The following AGMO variants were observed in gnomAD, a reference collection of about 807,000 sequenced individuals.
AGMO encodes alkylglycerol monooxygenase.
In AGMO, 75 loss-of-function variants were observed where a neutral mutation model predicts 60.2. That is an observed-to-expected ratio of 1.25 (90% CI 1.03 to 1.51). The LOEUF is 1.51. AGMO is among the 40% of genes most tolerant of loss of function. AGMO has a pLI of 0.00. For missense variants in AGMO, 763 were observed against 525.5 expected (o/e 1.45, Z -4.42); for synonymous variants, 261 against 177.1 (o/e 1.47, Z -3.76).
the AGMO span, among the ~76,000 whole-genome samples, chr7:15,170,103 C>T: frequency 6.6e-6 from 1 of 152,148 alleles, no homozygotes. Flanking sequence ...AACAAGAAAG[C>T]AGGTTGTCAT....
intron 3 of AGMO, among the ~76,000 whole-genome samples, chr7:15,537,959 G>GGAT (rs1784523242): frequency 2.0e-5 from 3 of 152,014 alleles, no homozygotes; most frequent in Admixed American, 2.0e-4. Context: ...ATTTGACGTG[G>GGAT]GATGGCGCCT....
chr7:15,532,854 G>A (rs1230423132), intron 3 of AGMO, among the ~76,000 whole-genome samples: 1 of 152,060 alleles, frequency 6.6e-6, no homozygotes, highest in African/African-American at 2.4e-5. Flanking sequence ...AGCCGAGAAT[G>A]GTGGCATGTG....
intron 12 of AGMO, among the ~76,000 whole-genome samples, chr7:15,236,795 CTAGT>C (rs1397152919): frequency 1.3e-5 from 2 of 151,868 alleles, no homozygotes; most frequent in African/African-American, 4.8e-5. Context: ...AGTCTAGTTA[CTAGT>C]TAGTGATTAA....
intron 12 of AGMO, among the ~76,000 whole-genome samples, chr7:15,290,354 A>G (rs914931715): frequency 1.3e-5 from 2 of 152,098 alleles, no homozygotes; most frequent in Non-Finnish European, 2.9e-5. Flanking sequence ...CTTTTCTCAT[A>G]GATGATTAGT....
At chr7:15,180,638 C>G in the AGMO span, among the ~76,000 whole-genome samples, 1 of 152,120 alleles carries the variant, frequency 6.6e-6, no homozygotes, top group African/African-American at 2.4e-5. Context: ...GCTTCATTCA[C>G]AGCAATCTAG....
At chr7:15,538,939 A>G (rs1784547029) in intron 3 of AGMO, among the ~76,000 whole-genome samples, 1 of 152,160 alleles carries the variant, frequency 6.6e-6, no homozygotes, top group Non-Finnish European at 1.5e-5. Context: ...GAATTAAGCA[A>G]TGTGTTGAGG....
chr7:15,476,649 G>C (rs1782600774), intron 3 of AGMO, among the ~76,000 whole-genome samples: 1 of 152,086 alleles, frequency 6.6e-6, no homozygotes. Context: ...AAGAGGGCAA[G>C]TGCAACAAAA....
intron 12 of AGMO, among the ~76,000 whole-genome samples, chr7:15,328,775 G>A (rs1260307831): frequency 6.6e-6 from 1 of 152,042 alleles, no homozygotes; most frequent in Admixed American, 6.6e-5. Flanking sequence ...ATATATTACT[G>A]ACATTGGCCA....
At chr7:15,228,909 T>G (rs1782169213) in intron 12 of AGMO, among the ~76,000 whole-genome samples, 1 of 152,110 alleles carries the variant, frequency 6.6e-6, no homozygotes, top group Admixed American at 6.6e-5. Flanking sequence ...CAATCAAAAT[T>G]GCATAAATTA....
Position 15,418,660 on chromosome 7 carries a change from GAAAAAATTA to G in AGMO, c.514-16_514-8del. On this transcript the variant is annotated splice_region_variant and splice_polypyrimidine_tract_variant and intron_variant, in intron 4 of 12. Transcript: ENST00000342526. ...CCAGGGGAGAGTAGAAAATCTGAAA[GAAAAAATTA>G]AAAAAAAATTAATTTGCATATATGA... 6.6e-7 allele frequency: 1 copy of G among 1,516,282 alleles called. No individual in the cohort carries two copies. Among genetic ancestry groups the G allele is most frequent in the Non-Finnish European group, 8.9e-7 (1 of 1,125,280 alleles). The allele number at this position is 1,516,282 out of a possible 1,614,324, so 93.9% of individuals were successfully genotyped here.
intron 3 of AGMO, among the ~76,000 whole-genome samples, chr7:15,531,502 ATATATATTCTCTATATATATTC>A (rs1784352689): frequency 2.2e-4 from 9 of 41,466 alleles, no homozygotes; most frequent in African/African-American, 5.8e-4. Context: ...TATATATTCT[ATATATATTCTCTATATATATTC>A]TATATATATT....
chr7:15,453,218 G>A (rs1202481882), intron 3 of AGMO, among the ~76,000 whole-genome samples: 1 of 152,030 alleles, frequency 6.6e-6, no homozygotes, highest in Non-Finnish European at 1.5e-5. Context: ...CAAATGTTAT[G>A]GTATGTTAAT....
chr7:15,302,884 C>A (rs1449726913), intron 12 of AGMO, among the ~76,000 whole-genome samples: 1 of 151,948 alleles, frequency 6.6e-6, no homozygotes, highest in African/African-American at 2.4e-5. Context: ...ATAATTTCTG[C>A]AGGCATTACA....
chr7:15,124,264 C>T, the AGMO span, among the ~76,000 whole-genome samples: 15 of 152,052 alleles, frequency 9.9e-5, no homozygotes, highest in East Asian at 3.9e-4. Context: ...TTTTTCCCTA[C>T]CTTGCCTTTC....
rs553006613 is a variant in AGMO, at chr7:15,272,701, C to T, written c.1264-71342G>A. Among the ~76,000 whole-genome samples, 11 of 152,250 alleles carry T rather than the reference C, an allele frequency of 7.2e-5. No individual in the cohort carries two copies. In the East Asian group the frequency reaches 7.8e-4, roughly 11 times the overall value. On this transcript the variant is annotated intron_variant, in intron 12 of 12. Coordinates refer to ENST00000342526, the MANE Select transcript of AGMO (RefSeq NM_001004320.2). ...CTAGTTCTAGATTCTTGAGGAATCG[C>T]GACACTGTCTTCCACAATGGTTGAA...
At position 15,373,024 on chromosome 7, in the gene AGMO, G is replaced by C. The variant is rs568861707; in HGVS notation, c.1075-6802C>G. 3.9e-5 allele frequency among the ~76,000 whole-genome samples: 6 copies of C among 152,280 alleles called. No individual in the cohort carries two copies. In the East Asian group the frequency reaches 1.2e-3, roughly 29 times the overall value. ...CATGCCTATAATCCCAGCACTTTGGGAAGCTGAGGTCGGCAATTCACTTGA... is the reference window on the plus strand; with the variant it reads ...CATGCCTATAATCCCAGCACTTTGGCAAGCTGAGGTCGGCAATTCACTTGA... On this transcript the variant is annotated intron_variant, in intron 10 of 12. Transcript: ENST00000342526.
chr7:15,320,636 G>A (rs1781080278), intron 12 of AGMO, among the ~76,000 whole-genome samples: 1 of 152,068 alleles, frequency 6.6e-6, no homozygotes. Flanking sequence ...TTTCAGAGAA[G>A]CTGAATTTTT....
chr7:15,519,426 A>T (rs922039020), intron 3 of AGMO, among the ~76,000 whole-genome samples: 2 of 152,184 alleles, frequency 1.3e-5, no homozygotes, highest in African/African-American at 2.4e-5. Context: ...GGTTACCCAC[A>T]AAGAGAAGCC....
chr7:15,428,773 C>A (rs541693066), intron 4 of AGMO, among the ~76,000 whole-genome samples: 1 of 152,120 alleles, frequency 6.6e-6, no homozygotes, highest in South Asian at 2.1e-4. Context: ...GCATTGATTT[C>A]CCCAGAGCAA....
Sources: gnomAD v4.1 joint callset for allele counts (sites outside exome capture counted in the v4.1 genomes callset) on GRCh38, gnomAD v4.1.1 for gene constraint, MANE v1.5 for transcripts, NCBI Gene and HGNC (gene_info 2026-07-23, HGNC 2026-07-21) for gene names.